Variants in SLC36A1 observed in about 807,000 individuals in gnomAD.
SLC36A1 encodes the protein solute carrier family 36 member 1, also known as proton-coupled amino acid transporter 1.
SLC36A1 carries 30 observed loss-of-function variants against 47.5 expected under a neutral mutation model. The ratio of observed to expected loss-of-function variants is 0.63; its 90% CI spans 0.47 to 0.86. The LOEUF (loss-of-function observed/expected upper bound fraction) is 0.86, where lower values mean the gene tolerates loss of function less well. Among genes scored for constraint, SLC36A1 ranks in the 40% least tolerant of loss-of-function variants. The pLI, the probability that SLC36A1 is intolerant of heterozygous loss-of-function variation, is 0.00. For missense variants in SLC36A1, 517 were observed against 606.0 expected (o/e 0.85, Z 1.54); for synonymous variants, 255 against 249.7 (o/e 1.02, Z -0.20).
At chr5:151,456,206 A>G (rs900396300) in intron 1 of SLC36A1, among the ~76,000 whole-genome samples, 13 of 152,292 alleles carry the variant, frequency 8.5e-5, no homozygotes, top group Admixed American at 7.8e-4. Flanking sequence ...GCAGGGTCTC[A>G]CTATGGTGCC....
chr5:151,480,563 G>A (rs1375802158), intron 10 of SLC36A1, among the ~76,000 whole-genome samples: 1 of 152,154 alleles, frequency 6.6e-6, no homozygotes, highest in East Asian at 1.9e-4. Context: ...CAGGGGCCAG[G>A]GCTGTTGAAA....
the SLC36A1 span, among the ~76,000 whole-genome samples, chr5:151,418,217 G>A: frequency 2.0e-5 from 3 of 152,262 alleles, no homozygotes; most frequent in African/African-American, 7.2e-5. Context: ...CTAGGGCAGT[G>A]AGGAAGGGAA....
At chr5:151,445,742 C>T (rs567202467), upstream of SLC36A1, among the ~76,000 whole-genome samples, 3 of 152,144 alleles carry the variant, frequency 2.0e-5, no homozygotes, top group Non-Finnish European at 2.9e-5. Context: ...CTAGGGATTT[C>T]TCCATTTCAT....
the SLC36A1 span, chr5:151,545,954 A>T: frequency 6.2e-7 from 1 of 1,614,036 alleles, no homozygotes; most frequent in African/African-American, 1.3e-5. Context: ...AGCTGGTAAG[A>T]CGAGATTTTC....
intron 1 of SLC36A1, among the ~76,000 whole-genome samples, chr5:151,441,488 A>T (rs1752629409): frequency 6.6e-6 from 1 of 152,198 alleles, no homozygotes; most frequent in African/African-American, 2.4e-5. Context: ...AAATGAGAAA[A>T]TTGTGAAGAG....
the SLC36A1 span, among the ~76,000 whole-genome samples, chr5:151,387,786 CTT>C: frequency 1.3e-5 from 2 of 152,170 alleles, no homozygotes; most frequent in African/African-American, 2.4e-5. Flanking sequence ...TTTAAGGACT[CTT>C]TGTCTTTTTG....
chr5:151,479,271 G>A (rs765700775), intron 9 of SLC36A1, 49 bp from the exon 10 acceptor site: 6 of 1,593,796 alleles, frequency 3.8e-6, no homozygotes, highest in African/African-American at 2.7e-5. Context: ...TGCTGATGAT[G>A]TATAAGTGTG....
the SLC36A1 span, among the ~76,000 whole-genome samples, chr5:151,425,595 T>C: frequency 7.2e-5 from 11 of 152,034 alleles, no homozygotes; most frequent in Admixed American, 7.2e-4. Context: ...AGTGGATGGA[T>C]GGATGGATGG....
the SLC36A1 span, among the ~76,000 whole-genome samples, chr5:151,408,807 A>G: frequency 1.3e-5 from 2 of 152,150 alleles, no homozygotes; most frequent in South Asian, 4.2e-4. Flanking sequence ...ATAAACACCA[A>G]TAAAAATCCA....
At chr5:151,377,693 G>A in the SLC36A1 span, among the ~76,000 whole-genome samples, 1 of 152,018 alleles carries the variant, frequency 6.6e-6, no homozygotes, top group Non-Finnish European at 1.5e-5. Flanking sequence ...TATAAATTTG[G>A]GTGCTCCAGT....
chr5:151,527,235 TG>T, the SLC36A1 span: 1 of 1,605,954 alleles, frequency 6.2e-7, no homozygotes, highest in Admixed American at 1.7e-5. Flanking sequence ...CAAGCTTACC[TG>T]GACAGTGGTG....
upstream of SLC36A1, among the ~76,000 whole-genome samples, chr5:151,445,143 GT>G (rs147703163): frequency 0.037 from 5,671 of 151,460 alleles, 319 homozygotes; most frequent in African/African-American, 0.12. Context: ...ACTATTGAGA[GT>G]TTTTTTTTAT....
At chr5:151,389,957 T>C in the SLC36A1 span, among the ~76,000 whole-genome samples, 5 of 152,336 alleles carry the variant, frequency 3.3e-5, no homozygotes, top group South Asian at 2.1e-4. Context: ...ATGGTATTTC[T>C]AGTTCTAGAT....
downstream of SLC36A1, among the ~76,000 whole-genome samples, chr5:151,496,680 C>T (rs1338854491): frequency 2.0e-5 from 3 of 152,176 alleles, no homozygotes; most frequent in South Asian, 2.1e-4. Flanking sequence ...CTCAGCCTCT[C>T]GAGTAGCTGG....
the SLC36A1 span, among the ~76,000 whole-genome samples, chr5:151,349,143 C>T: frequency 9.3e-4 from 142 of 152,254 alleles, 1 homozygote; most frequent in East Asian, 7.0e-3. Context: ...TGTTCCTGCT[C>T]GAGCAAGGTC....
chr5:151,428,463 G>C, the SLC36A1 span, among the ~76,000 whole-genome samples: 1 of 152,084 alleles, frequency 6.6e-6, no homozygotes, highest in Non-Finnish European at 1.5e-5. Flanking sequence ...TGGCCATGCA[G>C]AAGTGAGCTC....
the SLC36A1 span, chr5:151,546,097 G>T: frequency 6.2e-7 from 1 of 1,614,016 alleles, no homozygotes; most frequent in Admixed American, 1.7e-5. Context: ...GAGGATTGGG[G>T]AACCAACAGG....
chr5:151,555,367 CTTTTTTT>C, the SLC36A1 span, among the ~76,000 whole-genome samples: 41 of 123,096 alleles, frequency 3.3e-4, no homozygotes, highest in East Asian at 7.8e-3. Context: ...TAATATATTT[CTTTTTTT>C]TTTTTTTTTT....
chr5:151,535,125 G>C, the SLC36A1 span, among the ~76,000 whole-genome samples: 3 of 151,772 alleles, frequency 2.0e-5, no homozygotes, highest in African/African-American at 7.3e-5. Flanking sequence ...GACTGGTTAA[G>C]TATATTATGA....
Sources: gnomAD v4.1 joint callset for allele counts (sites outside exome capture counted in the v4.1 genomes callset) on GRCh38, gnomAD v4.1.1 for gene constraint, MANE v1.5 for transcripts, NCBI Gene and HGNC (gene_info 2026-07-23, HGNC 2026-07-21) for gene names.